DGKA: variants seen among roughly 807,000 people sequenced by gnomAD.
DGKA encodes diacylglycerol kinase alpha.
A neutral mutation model predicts 105.0 loss-of-function variants in DGKA; 35 were observed. That is an observed-to-expected ratio of 0.33 (90% confidence interval 0.25 to 0.44). DGKA has a LOEUF of 0.44. DGKA is among the 20% of genes least tolerant of loss of function. The pLI is 1.00. For missense variants in DGKA, 665 were observed against 915.0 expected (o/e 0.73, Z 3.53); for synonymous variants, 296 against 332.0 (o/e 0.89, Z 1.18).
At chr12:55,938,661 G>T in intron 6 of DGKA, 101 bp downstream of exon 6, 3 of 1,607,232 alleles carry the variant, frequency 1.9e-6, no homozygotes, top group Non-Finnish European at 2.6e-6. Context: ...AGAAGAGGAT[G>T]GGGGGAGAGG....
At position 55,940,514 on chromosome 12, in the gene DGKA, T is replaced by C. The variant is rs1046305301; in HGVS notation, c.918+81T>C. 3.1e-6 allele frequency: 5 copies of C among 1,587,312 alleles called. No individual in the cohort carries two copies. Among genetic ancestry groups the C allele is most frequent in the Admixed American group, 3.4e-5 (2 of 58,406 alleles). On this transcript the variant is annotated intron_variant, in intron 11 of 23. Transcript: ENST00000331886. This position sits in a 1 kb window ranked among gnomAD's most constrained non-coding sequence, Gnocchi z 4.3. ...CCACGGGCCTCCGGCCACACCTCCT[T>C]TACAGGCACAGTTGCCCCTGCTCCC... is the stretch of plus-strand genomic sequence containing the variant.
At position 55,939,243 on chromosome 12, in the gene DGKA, G is replaced by A. The variant is rs1189049083; in HGVS notation, c.532G>A (p.Ala178Thr). 3 of 1,614,118 alleles carry A rather than the reference G, an allele frequency of 1.9e-6. No individual in the cohort carries two copies. The African/African-American group carries it at 4.0e-5, about 22-fold the overall frequency. The change falls in exon 8 of 24, where the codon GCT becomes ACT. Residue 178 changes from alanine to threonine, a missense_variant. By Grantham distance (58) the Ala-to-Thr change is moderately conservative. Coordinates refer to ENST00000331886, the MANE Select transcript of DGKA (RefSeq NM_001345.5). ...TGATGGCAGTGGCTCTGTCTCTCAA[G>A]CTGAGTGGGTCCGGGCTGGGGCCAC... ...DYDGSGSVSQAEWVRAGATTV... is the reference protein window; with the variant it reads ...DYDGSGSVSQTEWVRAGATTV...
chr12:55,953,761 T>G lies in DGKA; in HGVS notation c.2201T>G (p.Leu734Trp), dbSNP rs1888644230. 2.8e-5 allele frequency: 45 copies of G among 1,614,074 alleles called. No homozygotes were observed. The highest frequency in any genetic ancestry group is 3.8e-5 in the Non-Finnish European group (45 of 1,179,952). Residue 734 changes from leucine to tryptophan, a missense_variant, in exon 24 of 24, where the codon TTG becomes TGG. Physicochemically the swap from Leu to Trp is moderately conservative, Grantham distance 61. Coordinates refer to ENST00000331886, the MANE Select transcript of DGKA (RefSeq NM_001345.5). ...PPRSTNFFGF[L>W]S ...CGCTCCACCAATTTCTTTGGCTTCT[T>G]GAGCTAAGGGGGACACCCTTGGCCT...
intron 17 of DGKA, among the ~76,000 whole-genome samples, chr12:55,951,208 T>C (rs950473373): frequency 2.0e-5 from 3 of 152,226 alleles, no homozygotes; most frequent in Admixed American, 2.0e-4. Context: ...TTCTTTACTA[T>C]TGAACCTTTT....
rs774124339 is a variant in DGKA at position 55,938,984 on chromosome 12, A to G, written c.469A>G (p.Arg157Gly). Residue 157 changes from arginine (R) to glycine (G), a missense_variant, in exon 7 of 24, where the codon AGG becomes GGG. Coordinates refer to ENST00000331886, the MANE Select transcript of DGKA (RefSeq NM_001345.5). Reference sequence around the variant, plus strand: ...CCTGGATTGGGATGTGTCTGAGCTGAGGCCGGTAAGGCAGCTCTTCCTTCA... The same window carrying G: ...CCTGGATTGGGATGTGTCTGAGCTGGGGCCGGTAAGGCAGCTCTTCCTTCA... ...EYLDWDVSEL[R>G]PILQEMMKEI... 2 of 1,614,092 alleles carry G rather than the reference A, an allele frequency of 1.2e-6. No homozygotes were observed. The highest frequency in any genetic ancestry group is 2.7e-5 in the African/African-American group (2 of 74,930).
intron 17 of DGKA, among the ~76,000 whole-genome samples, chr12:55,944,783 TATTC>T (rs1300339433): frequency 6.6e-6 from 1 of 152,160 alleles, no homozygotes; most frequent in African/African-American, 2.4e-5. Context: ...TTTATTCATT[TATTC>T]ATTTATTTAT....
chr12:55,939,951 TCACCCCGAACTTTTATTCTGCTA>T, intron 9 of DGKA, 108 bp from the exon 10 acceptor site: 1 of 810,842 alleles, frequency 1.2e-6, no homozygotes, highest in Non-Finnish European at 2.0e-6. Context: ...GGTGGGCACT[TCACCCCGAACTTTTATTCTGCTA>T]CACCCTCAAG....
In DGKA at chr12:55,942,079, C is replaced by G; in HGVS notation, c.1332C>G (p.Thr444=). 6.2e-7 allele frequency: 1 copy of G among 1,614,120 alleles called. No individual in the cohort carries two copies. The highest frequency in any genetic ancestry group is 8.5e-7 in the Non-Finnish European group (1 of 1,180,008). Residue 444 remains threonine, a synonymous_variant, in exon 16 of 24, where the codon ACC becomes ACG. Coordinates refer to ENST00000331886, the MANE Select transcript of DGKA (RefSeq NM_001345.5). ...GCACAGTAGGCTGGATTCTAGAGAC[C>G]ATTGGTCAGTGCAGGGAGGGGCGTG... is the stretch of plus-strand genomic sequence containing the variant. ...GDGTVGWILE[T]IDKANLPVLP... is the part of the protein sequence containing the mutation.
Position 55,953,951 on chromosome 12 carries a change from AC to A in DGKA, c.*187del. The A allele has an allele frequency of 1.6e-6, 1 of 631,564 alleles. No individual in the cohort carries two copies. Among genetic ancestry groups the A allele is most frequent in the Admixed American group, 3.0e-5 (1 of 33,104 alleles). 39.1% of individuals were successfully genotyped at this position (631,564 alleles called of 1,614,324 possible). A position where few individuals can be genotyped will look rare whatever the true frequency, so the allele number is the denominator to read the frequency against. ...TCCCCATGCGCACACACATACACACACCCCAAAACACATACATTGAAAGTGC... is the reference window on the plus strand; with the variant it reads ...TCCCCATGCGCACACACATACACACACCCAAAACACATACATTGAAAGTGC... On this transcript the variant is annotated 3_prime_UTR_variant, in exon 24 of 24. Transcript: ENST00000331886.
chr12:55,927,914 T>G, upstream of DGKA: 2 of 992,394 alleles, frequency 2.0e-6, no homozygotes, highest in Non-Finnish European at 2.9e-6. Context: ...GGCTGGGCCC[T>G]AGGGTCAGAG....
chr12:55,942,989 A>G (rs1427332201), intron 17 of DGKA, among the ~76,000 whole-genome samples: 1 of 152,230 alleles, frequency 6.6e-6, no homozygotes, highest in Non-Finnish European at 1.5e-5. Context: ...TAAGTCATTC[A>G]TCATGATTGG....
At position 55,939,442 on chromosome 12, in the gene DGKA, T is replaced by C; in HGVS notation, c.622T>C (p.Trp208Arg). The C allele has an allele frequency of 4.3e-6, 7 of 1,614,210 alleles. No individual in the cohort carries two copies. The highest frequency in any genetic ancestry group is 5.9e-6 in the Non-Finnish European group (7 of 1,180,040). ...MTLKDDGQHM[W>R]RPKRFPRPVY... is the part of the protein sequence containing the mutation. The stretch of plus-strand genomic sequence containing the variant: ...TCTGAAGGACGACGGACAGCACATG[T>C]GGAGGCCCAAGAGGTTCCCCAGACC... Residue 208 changes from tryptophan to arginine, a missense_variant, in exon 9 of 24, where the codon TGG (tryptophan) becomes CGG (arginine). Trp to Arg is a moderately radical substitution (Grantham distance 101). This residue lies in a region of DGKA where 504 missense variants were observed against 681.2 expected (regional missense o/e 0.74). Coordinates refer to ENST00000331886, the MANE Select transcript of DGKA (RefSeq NM_001345.5).
In DGKA at chr12:55,952,850, G is replaced by A. The variant is rs769578487; in HGVS notation, c.1860G>A (p.Gly620=). Reference sequence around the variant, plus strand: ...GGGGTGATACCAGGAGACCCCATGGGGATATCTATGGGATCAACCAGGCCT... The same window carrying A: ...GGGGTGATACCAGGAGACCCCATGGAGATATCTATGGGATCAACCAGGCCT... ...NLWGDTRRPH[G]DIYGINQALG... Residue 620 remains glycine (G), a synonymous_variant, in exon 21 of 24, where the codon GGG becomes GGA. Coordinates refer to ENST00000331886, the MANE Select transcript of DGKA (RefSeq NM_001345.5). This position sits in a 1 kb window ranked among gnomAD's most constrained non-coding sequence, Gnocchi z 5.1. The A allele has an allele frequency of 1.5e-5, 25 of 1,613,932 alleles. No individual in the cohort carries two copies. In the East Asian group the frequency reaches 2.2e-4, roughly 14 times the overall value.
rs1592693102 is a variant in DGKA, at chr12:55,939,966, A to G, written c.710-116A>G. ...GGTGGGCACTTCACCCCGAACTTTT[A>G]TTCTGCTACACCCTCAAGCAAGGGA... On this transcript the variant is annotated intron_variant, in intron 9 of 23. Coordinates refer to ENST00000331886, the MANE Select transcript of DGKA (RefSeq NM_001345.5). 14 of 957,998 alleles carry G rather than the reference A, an allele frequency of 1.5e-5. No individual in the cohort carries two copies. The East Asian group carries it at 3.4e-4, about 23-fold the overall frequency. The allele number at this position is 957,998 out of a possible 1,614,324, so 59.3% of individuals were successfully genotyped here.
At chr12:55,927,803 C>A, upstream of DGKA, 1 of 1,532,932 alleles carries the variant, frequency 6.5e-7, no homozygotes, top group Admixed American at 2.0e-5. Flanking sequence ...GCGGCCCTGG[C>A]CTGGCTCTGC....
intron 17 of DGKA, among the ~76,000 whole-genome samples, chr12:55,948,749 C>T (rs891996318): frequency 2.0e-5 from 3 of 151,712 alleles, no homozygotes; most frequent in Non-Finnish European, 4.4e-5. Flanking sequence ...ATGGGCTGGG[C>T]GCAGTGGCTC....
At position 55,942,602 on chromosome 12, in the gene DGKA, G is replaced by A. The variant is rs1365723728; in HGVS notation, c.1426+339G>A. 5 of 304,436 alleles carry A rather than the reference G, an allele frequency of 1.6e-5. No homozygotes were observed. In the Admixed American group the frequency reaches 1.7e-4, roughly 10 times the overall value. 18.9% of individuals were successfully genotyped at this position (304,436 alleles called of 1,614,324 possible). A position where few individuals can be genotyped will look rare whatever the true frequency, so the allele number is the denominator to read the frequency against. Reference sequence around the variant, plus strand: ...TTGTATAAGAGCTAAGCCAGATGCTGAATGATGGAGCTAGCAGGTCATGAC... The same window carrying A: ...TTGTATAAGAGCTAAGCCAGATGCTAAATGATGGAGCTAGCAGGTCATGAC... On this transcript the variant is annotated intron_variant, in intron 17 of 23. Transcript: ENST00000331886.
At chr12:55,941,976 T>C in intron 15 of DGKA, 22 bp from the exon 16 acceptor site, 1 of 1,613,492 alleles carries the variant, frequency 6.2e-7, no homozygotes, top group Non-Finnish European at 8.5e-7. Flanking sequence ...CTTCTTCATA[T>C]TCTCTCTCCC....
rs749942470 is a variant in DGKA, at chr12:55,951,618, C to G, written c.1427-5C>G. Reference sequence around the variant, plus strand: ...TCAGTGCTAACCTGTCTTCTCCACTCCTAGGTTATGAAGGACAGAATCTGG... The same window carrying G: ...TCAGTGCTAACCTGTCTTCTCCACTGCTAGGTTATGAAGGACAGAATCTGG... On this transcript the variant is annotated splice_region_variant and splice_polypyrimidine_tract_variant and intron_variant, in intron 17 of 23. Coordinates refer to ENST00000331886, the MANE Select transcript of DGKA (RefSeq NM_001345.5). 1 of 1,613,484 alleles carries G rather than the reference C, an allele frequency of 6.2e-7. No homozygotes were observed. The highest frequency in any genetic ancestry group is 1.7e-5 in the Admixed American group (1 of 59,942).
Sources: allele counts gnomAD v4.1 joint callset (sites outside exome capture counted in the v4.1 genomes callset), GRCh38; gene constraint gnomAD v4.1.1; regional missense constraint gnomAD v4.1.1; non-coding constraint Gnocchi (gnomAD v3.1); transcripts MANE v1.5; gene names NCBI Gene and HGNC (gene_info 2026-07-23, HGNC 2026-07-21).